Variants in SEMA3D observed in about 807,000 individuals in gnomAD.
SEMA3D encodes the protein semaphorin 3D.
In SEMA3D, 84 loss-of-function variants were observed where a neutral mutation model predicts 100.1. That is an observed-to-expected ratio of 0.84 (90% CI 0.70 to 1.01). SEMA3D has a LOEUF of 1.01. SEMA3D is among the 50% of genes least tolerant of loss of function. The probability of loss-of-function intolerance (pLI) is 0.00; values close to 1 mark genes in which losing one functional copy is unlikely to be tolerated. For missense variants in SEMA3D, 875 were observed against 934.1 expected (o/e 0.94, Z 0.82); for synonymous variants, 312 against 320.7 (o/e 0.97, Z 0.29).
chr7:85,150,367 AT>A (rs1417907163), intron 2 of SEMA3D, among the ~76,000 whole-genome samples: 8 of 135,278 alleles, frequency 5.9e-5, no homozygotes, highest in African/African-American at 1.7e-4. Flanking sequence ...ATATATATAT[AT>A]TATATATATA....
At chr7:85,192,893 C>T in the SEMA3D span, among the ~76,000 whole-genome samples, 1 of 152,020 alleles carries the variant, frequency 6.6e-6, no homozygotes, top group Non-Finnish European at 1.5e-5. Context: ...AAAAGAAAGT[C>T]TACATTAGGA....
chr7:85,107,290 A>G (rs1781252565), intron 3 of SEMA3D, among the ~76,000 whole-genome samples: 1 of 152,080 alleles, frequency 6.6e-6, no homozygotes, highest in South Asian at 2.1e-4. Context: ...TTTTCTCCAG[A>G]TGAAAGTTCT....
the SEMA3D span, among the ~76,000 whole-genome samples, chr7:85,236,659 C>A: frequency 2.0e-5 from 3 of 151,816 alleles, no homozygotes; most frequent in Non-Finnish European, 4.4e-5. Flanking sequence ...TATTGGTATA[C>A]AGAAAAATAA....
intron 16 of SEMA3D, 148 bp from the exon 17 acceptor site, chr7:85,012,994 C>T (rs1055177858): frequency 7.5e-6 from 4 of 535,026 alleles, no homozygotes; most frequent in Non-Finnish European, 6.6e-6. Flanking sequence ...TCCAATCAAT[C>T]TAACATTGAT....
chr7:85,119,408 T>C (rs1271162304), intron 3 of SEMA3D, among the ~76,000 whole-genome samples: 3 of 152,158 alleles, frequency 2.0e-5, no homozygotes, highest in Non-Finnish European at 4.4e-5. Flanking sequence ...ATGTGGTACA[T>C]ACATACCCTG....
At chr7:85,040,150 A>T (rs2372508) in intron 11 of SEMA3D, among the ~76,000 whole-genome samples, 87,189 of 150,348 alleles carry the variant, frequency 0.58, 25,989 homozygotes, top group East Asian at 0.73. Context: ...CTATTTTTTT[A>T]TTTACTTTTT....
At chr7:85,098,858 C>T (rs935021571) in intron 3 of SEMA3D, among the ~76,000 whole-genome samples, 1 of 151,802 alleles carries the variant, frequency 6.6e-6, no homozygotes, top group African/African-American at 2.4e-5. Context: ...CTCCCCGTGG[C>T]AATCACTAAT....
the SEMA3D span, among the ~76,000 whole-genome samples, chr7:85,193,639 C>G: frequency 6.6e-6 from 1 of 151,952 alleles, no homozygotes; most frequent in Non-Finnish European, 1.5e-5. Flanking sequence ...CATCCTATCC[C>G]ACATAATGGA....
intron 12 of SEMA3D, among the ~76,000 whole-genome samples, chr7:85,025,693 T>A (rs1790373634): frequency 6.6e-6 from 1 of 152,024 alleles, no homozygotes; most frequent in African/African-American, 2.4e-5. Context: ...AGGCTTTCAT[T>A]TTCAGAAGCC....
chr7:85,128,346 T>C (rs75639249), intron 2 of SEMA3D, among the ~76,000 whole-genome samples: 35,374 of 151,382 alleles, frequency 0.23, 4,211 homozygotes, highest in African/African-American at 0.27. Flanking sequence ...TTTTTTGTAT[T>C]TTTTAGTAGA....
At chr7:85,167,657 A>T (rs1261957236) in intron 1 of SEMA3D, among the ~76,000 whole-genome samples, 1 of 151,894 alleles carries the variant, frequency 6.6e-6, no homozygotes, top group African/African-American at 2.4e-5. Flanking sequence ...CAGTTTAAAA[A>T]AAATACATCT....
At chr7:85,171,164 C>T (rs4727099) in intron 1 of SEMA3D, among the ~76,000 whole-genome samples, 97,116 of 151,878 alleles carry the variant, frequency 0.64, 31,674 homozygotes, top group East Asian at 0.9. Context: ...GGAGACGGCA[C>T]GTGGTGAAAT....
At chr7:85,058,614 GGCGGGCGCCTGCAGTCCCA>G (rs373859591) in intron 8 of SEMA3D, among the ~76,000 whole-genome samples, 1,795 of 152,072 alleles carry the variant, frequency 0.012, 40 homozygotes, top group African/African-American at 0.041. Flanking sequence ...TGGGCGTGGT[GGCGGGCGCCTGCAGTCCCA>G]GCTACTCGGG....
At chr7:85,027,511 A>G (rs912970828) in intron 12 of SEMA3D, among the ~76,000 whole-genome samples, 1 of 152,026 alleles carries the variant, frequency 6.6e-6, no homozygotes, top group Admixed American at 6.6e-5. Context: ...ATTATTTTAC[A>G]TTGGTGGTAG....
chr7:85,006,638 A>G (rs1392651981), intron 18 of SEMA3D, among the ~76,000 whole-genome samples, 164 bp downstream of exon 18: 3 of 151,950 alleles, frequency 2.0e-5, no homozygotes, highest in Non-Finnish European at 4.4e-5. Context: ...AAGTTGGCCT[A>G]TTCTTATCTC....
chr7:85,055,645 CATATATATATATATATAT>C (rs56131427), intron 9 of SEMA3D, 54 bp downstream of exon 9: 5,589 of 158,472 alleles, frequency 0.035, 36 homozygotes, highest in Middle Eastern at 0.064. Context: ...TTTTCATATA[CATATATATATATATATAT>C]ATATATATAT....
chr7:85,236,661 G>A, the SEMA3D span, among the ~76,000 whole-genome samples: 1 of 151,844 alleles, frequency 6.6e-6, no homozygotes, highest in African/African-American at 2.4e-5. Context: ...TTGGTATACA[G>A]AAAAATAAAA....
At chr7:85,250,075 A>G in the SEMA3D span, among the ~76,000 whole-genome samples, 2 of 152,114 alleles carry the variant, frequency 1.3e-5, no homozygotes, top group East Asian at 3.9e-4. Flanking sequence ...GGGGTCAGGG[A>G]GTTCCCTTTC....
intron 5 of SEMA3D, among the ~76,000 whole-genome samples, chr7:85,075,223 A>G (rs1791889203): frequency 6.6e-6 from 1 of 152,086 alleles, no homozygotes; most frequent in Non-Finnish European, 1.5e-5. Flanking sequence ...CATTTTTTCA[A>G]AAGCTCAGTT....
Sources: gnomAD v4.1 joint callset for allele counts (sites outside exome capture counted in the v4.1 genomes callset) on GRCh38, gnomAD v4.1.1 for gene constraint, MANE v1.5 for transcripts, NCBI Gene and HGNC (gene_info 2026-07-23, HGNC 2026-07-21) for gene names.